The following LHFPL3 variants were observed in gnomAD, a reference collection of about 807,000 sequenced individuals.
LHFPL3 encodes LHFPL tetraspan subfamily member 3 protein.
In LHFPL3, 5 loss-of-function variants were observed where a neutral mutation model predicts 19.3. The observed-to-expected ratio is 0.26, with a 90% CI of 0.14 to 0.54. LHFPL3 has a LOEUF of 0.54. Ranked by LOEUF, LHFPL3 falls within the 20% of genes least tolerant of loss-of-function variation. The probability of loss-of-function intolerance (pLI) is 0.94; values close to 1 mark genes in which losing one functional copy is unlikely to be tolerated. For synonymous variants in LHFPL3, 133 were observed against 126.2 expected (o/e 1.05, Z -0.36); for missense variants, 249 against 307.4 (o/e 0.81, Z 1.42).
intron 1 of LHFPL3, among the ~76,000 whole-genome samples, chr7:104,690,005 C>A (rs1792879085): frequency 7.3e-6 from 1 of 136,858 alleles, no homozygotes; most frequent in Non-Finnish European, 1.6e-5. Context: ...GCTGCCTCTA[C>A]CTAAAAAAAA....
chr7:104,801,055 G>A (rs1269229167), intron 2 of LHFPL3, among the ~76,000 whole-genome samples: 3 of 152,250 alleles, frequency 2.0e-5, no homozygotes, highest in African/African-American at 4.8e-5. Context: ...GCTGACCAAT[G>A]TATGCAGGGA....
At chr7:104,427,549 A>ACATGTT (rs1791871910) in intron 1 of LHFPL3, among the ~76,000 whole-genome samples, 4 of 152,200 alleles carry the variant, frequency 2.6e-5, no homozygotes, top group African/African-American at 9.6e-5. Context: ...ATGTAGTTTG[A>ACATGTT]GTGGCTATGT....
intron 1 of LHFPL3, among the ~76,000 whole-genome samples, chr7:104,613,584 T>C (rs1181905792): frequency 1.3e-5 from 2 of 152,118 alleles, no homozygotes; most frequent in Non-Finnish European, 2.9e-5. Flanking sequence ...AAACTCAACC[T>C]AATTCCGCAA....
rs898651088 is a variant in LHFPL3, at chr7:104,824,601, T to A, written c.683-81586T>A. On this transcript the variant is annotated intron_variant, in intron 2 of 2. Transcript: ENST00000424859. ...ATATATAATATATATAATTATATAT[T>A]ATATATAATTATATATATTATTTTA... Among the ~76,000 whole-genome samples the A allele has an allele frequency of 1.0e-3, 83 of 79,166 alleles. 1 individual carries two copies. Among genetic ancestry groups the A allele is most frequent in the African/African-American group, 3.6e-3 (69 of 19,310 alleles). 51.9% of individuals were successfully genotyped at this position (79,166 alleles called of 152,430 possible).
At chr7:104,848,901 T>G (rs370841223) in intron 2 of LHFPL3, among the ~76,000 whole-genome samples, 1,625 of 144,772 alleles carry the variant, frequency 0.011, 35 homozygotes, top group African/African-American at 0.039. Context: ...GTTTTTTTGG[T>G]TTTTTTTTTG....
At chr7:104,547,242 C>CAAAAAAAAAAAAAAAAAA (rs59524599) in intron 1 of LHFPL3, among the ~76,000 whole-genome samples, 2 of 9,638 alleles carry the variant, frequency 2.1e-4, no homozygotes, top group African/African-American at 6.6e-4. Context: ...GACTCCGTCT[C>CAAAAAAAAAAAAAAAAAA]AAAAAAAAAA....
rs534464946 is a variant in LHFPL3 at position 104,528,335 on chromosome 7, C to G, written c.445+199111C>G. On this transcript the variant is annotated intron_variant, in intron 1 of 2. Transcript: ENST00000424859. ...TATGTAAATAGAATCAGTTAACTTC[C>G]CCTTGAAGTATAAACAATGTTGTAA... 3.3e-5 allele frequency among the ~76,000 whole-genome samples: 5 copies of G among 152,174 alleles called. No individual in the cohort carries two copies. In the South Asian group the frequency reaches 1.0e-3, roughly 32 times the overall value.
intron 1 of LHFPL3, among the ~76,000 whole-genome samples, chr7:104,446,245 G>T (rs1792327847): frequency 6.6e-6 from 1 of 152,176 alleles, no homozygotes; most frequent in Admixed American, 6.5e-5. Flanking sequence ...ATTTGGAATG[G>T]TCTCTTATAG....
intron 2 of LHFPL3, among the ~76,000 whole-genome samples, chr7:104,864,406 T>TGC (rs1791679507): frequency 6.6e-6 from 1 of 151,968 alleles, no homozygotes; most frequent in African/African-American, 2.4e-5. Context: ...GAAAATCAGG[T>TGC]CACTCCCACC....
chr7:104,770,506 T>C (rs1022731524), intron 2 of LHFPL3, among the ~76,000 whole-genome samples: 44 of 152,360 alleles, frequency 2.9e-4, no homozygotes, highest in African/African-American at 1.0e-3. Context: ...TAATTTTTCA[T>C]GTACACACAA....
chr7:104,373,426 G>A (rs1790650193), intron 1 of LHFPL3, among the ~76,000 whole-genome samples: 1 of 152,008 alleles, frequency 6.6e-6, no homozygotes, highest in Non-Finnish European at 1.5e-5. Flanking sequence ...AGTTATTTTT[G>A]CTTTCTACTT....
At chr7:104,405,610 C>T (rs1791398514) in intron 1 of LHFPL3, among the ~76,000 whole-genome samples, 1 of 152,168 alleles carries the variant, frequency 6.6e-6, no homozygotes, top group Non-Finnish European at 1.5e-5. Flanking sequence ...AGTAAATTGT[C>T]CAACATCATA....
intron 1 of LHFPL3, among the ~76,000 whole-genome samples, chr7:104,342,991 A>G (rs530590515): frequency 2.4e-5 from 3 of 124,610 alleles, no homozygotes; most frequent in African/African-American, 9.9e-5. Flanking sequence ...TTATTAAAGA[A>G]TTGACTTTTT....
At chr7:104,803,977 G>A (rs1387889398) in intron 2 of LHFPL3, 1 of 152,190 alleles carries the variant, frequency 6.6e-6, no homozygotes, top group Non-Finnish European at 1.5e-5. Context: ...ATTCAGGACT[G>A]GTTCAACAAA....
chr7:104,868,564 T>G (rs1225556722), intron 2 of LHFPL3, among the ~76,000 whole-genome samples: 2 of 152,096 alleles, frequency 1.3e-5, no homozygotes, highest in African/African-American at 4.8e-5. Context: ...CACGGCTCAA[T>G]GAAATAAAAG....
chr7:104,361,513 A>G (rs1473122559), intron 1 of LHFPL3, among the ~76,000 whole-genome samples: 4 of 152,230 alleles, frequency 2.6e-5, no homozygotes, highest in Admixed American at 2.6e-4. Context: ...CTGAAGGAGA[A>G]GCAAGGAATA....
intron 1 of LHFPL3, among the ~76,000 whole-genome samples, chr7:104,492,005 G>A (rs1793363264): frequency 3.3e-5 from 5 of 152,172 alleles, no homozygotes; most frequent in Admixed American, 3.3e-4. Context: ...CCAAGGAAAT[G>A]TGTGTGCATA....
chr7:104,420,553 A>AT (rs1413845983), intron 1 of LHFPL3, among the ~76,000 whole-genome samples: 2 of 78,866 alleles, frequency 2.5e-5, no homozygotes, highest in Non-Finnish European at 5.1e-5. Context: ...CCAAAGGGTG[A>AT]ATTTTTTTTT....
intron 2 of LHFPL3, among the ~76,000 whole-genome samples, chr7:104,852,012 C>T (rs796711697): frequency 2.0e-5 from 3 of 152,106 alleles, no homozygotes; most frequent in African/African-American, 7.2e-5. Flanking sequence ...CCACCTTTTC[C>T]ATGCTTCTGT....
Sources: gnomAD v4.1 joint callset for allele counts (sites outside exome capture counted in the v4.1 genomes callset) on GRCh38, gnomAD v4.1.1 for gene constraint, MANE v1.5 for transcripts, NCBI Gene and HGNC (gene_info 2026-07-23, HGNC 2026-07-21) for gene names.